CPQ: variants seen among roughly 807,000 people sequenced by gnomAD.
CPQ encodes the protein carboxypeptidase Q.
In CPQ, 37 loss-of-function variants were observed where a neutral mutation model predicts 45.7. That is an observed-to-expected ratio of 0.81 (90% CI 0.62 to 1.07). The LOEUF (loss-of-function observed/expected upper bound fraction) is 1.07. Ranked by LOEUF, CPQ falls within the 50% of genes least tolerant of loss-of-function variation. CPQ has a pLI of 0.00. For missense variants in CPQ, 537 were observed against 572.9 expected (o/e 0.94, Z 0.64); for synonymous variants, 186 against 205.8 (o/e 0.90, Z 0.82).
intron 1 of CPQ, among the ~76,000 whole-genome samples, chr8:96,777,580 A>G (rs1358692739): frequency 2.0e-5 from 3 of 151,586 alleles, no homozygotes; most frequent in Non-Finnish European, 2.9e-5. Flanking sequence ...GTTATTCCCT[A>G]AAAGTTTCAC....
At chr8:97,118,736 T>G (rs1159893721) in intron 7 of CPQ, among the ~76,000 whole-genome samples, 1 of 152,172 alleles carries the variant, frequency 6.6e-6, no homozygotes, top group East Asian at 1.9e-4. Flanking sequence ...GCTCATTGCC[T>G]GTTTTTCAAA....
At chr8:96,859,805 C>T (rs993706981) in intron 3 of CPQ, among the ~76,000 whole-genome samples, 11 of 152,086 alleles carry the variant, frequency 7.2e-5, no homozygotes, top group Admixed American at 3.3e-4. Context: ...GGCCATTTCC[C>T]TGTTGATAGA....
intron 5 of CPQ, among the ~76,000 whole-genome samples, chr8:97,007,995 G>A (rs181806010): frequency 6.6e-6 from 1 of 152,226 alleles, no homozygotes; most frequent in Admixed American, 6.5e-5. Flanking sequence ...CAGGTTCAAG[G>A]CTCAAAAATG....
rs374329831 is a variant in CPQ at position 96,775,496 on chromosome 8, A to T, written c.-34-9368A>T. Among the ~76,000 whole-genome samples the T allele has an allele frequency of 5.3e-5, 8 of 152,294 alleles. 1 individual carries two copies. The highest frequency in any genetic ancestry group is 3.9e-4 in the Admixed American group (6 of 15,290). ...ACAAGGGTATGGTAATGGTGTTTCC[A>T]GTACCACAGGCAGCATATTCATTTG... On this transcript the variant is annotated intron_variant, in intron 1 of 7. Coordinates refer to ENST00000220763, the MANE Select transcript of CPQ (RefSeq NM_016134.4).
rs1474067356 is a variant in CPQ, at chr8:97,115,930, A to C, written c.1256-27090A>C. On this transcript the variant is annotated intron_variant, in intron 7 of 7. Transcript: ENST00000220763. ...AATTCCAAGTGGAAAACAAGGAATA[A>C]GTTGCAAAAGAGTATGAAAAGTTTG... Among the ~76,000 whole-genome samples the C allele has an allele frequency of 4.6e-5, 7 of 152,242 alleles. 1 individual carries two copies. In the South Asian group the frequency reaches 1.4e-3, roughly 32 times the overall value.
At chr8:97,118,987 T>C (rs886473086) in intron 7 of CPQ, among the ~76,000 whole-genome samples, 9 of 152,254 alleles carry the variant, frequency 5.9e-5, no homozygotes, top group African/African-American at 2.2e-4. Flanking sequence ...AGAGACTGTA[T>C]GGCCCACTAA....
At chr8:96,890,543 C>T (rs1008085925) in intron 4 of CPQ, among the ~76,000 whole-genome samples, 6 of 152,084 alleles carry the variant, frequency 3.9e-5, no homozygotes, top group South Asian at 2.1e-4. Context: ...TAAGAGATGC[C>T]GTAAGGATCT....
chr8:97,007,279 A>G (rs1809400271), intron 5 of CPQ, among the ~76,000 whole-genome samples: 1 of 152,172 alleles, frequency 6.6e-6, no homozygotes, highest in Non-Finnish European at 1.5e-5. Context: ...AATTGTTTTA[A>G]CAGAAGCTGT....
At chr8:96,866,622 C>T (rs960846276) in intron 3 of CPQ, among the ~76,000 whole-genome samples, 1 of 151,934 alleles carries the variant, frequency 6.6e-6, no homozygotes, top group Non-Finnish European at 1.5e-5. Flanking sequence ...CCTTTGATTA[C>T]AGTTTTTTTG....
At chr8:96,998,595 C>T (rs1331043930) in intron 5 of CPQ, among the ~76,000 whole-genome samples, 2 of 151,702 alleles carry the variant, frequency 1.3e-5, no homozygotes, top group Non-Finnish European at 2.9e-5. Context: ...ACAAATCATG[C>T]CAAGCAAGAT....
chr8:96,767,896 G>A (rs545266487), intron 1 of CPQ, among the ~76,000 whole-genome samples: 2 of 151,882 alleles, frequency 1.3e-5, no homozygotes, highest in South Asian at 4.2e-4. Flanking sequence ...CACCCACCTC[G>A]GCCTTCCAAA....
At chr8:96,822,792 C>G (rs1009959102) in intron 2 of CPQ, among the ~76,000 whole-genome samples, 3 of 152,022 alleles carry the variant, frequency 2.0e-5, no homozygotes, top group Non-Finnish European at 2.9e-5. Context: ...CTCCATTCTT[C>G]TTGTCCATAG....
chr8:96,686,338 A>T (rs1053274817), intron 1 of CPQ, among the ~76,000 whole-genome samples: 8 of 152,040 alleles, frequency 5.3e-5, no homozygotes, highest in African/African-American at 1.9e-4. Flanking sequence ...GATGCAACAG[A>T]GATATTTTGT....
At chr8:96,718,880 C>G (rs1165990330) in intron 1 of CPQ, among the ~76,000 whole-genome samples, 1 of 152,182 alleles carries the variant, frequency 6.6e-6, no homozygotes, top group Non-Finnish European at 1.5e-5. Flanking sequence ...CATTCACAAA[C>G]CCTGAGCTAG....
At chr8:96,950,016 T>C (rs1400918197) in intron 4 of CPQ, among the ~76,000 whole-genome samples, 3 of 152,306 alleles carry the variant, frequency 2.0e-5, no homozygotes, top group East Asian at 1.9e-4. Context: ...ATTTGCTGAA[T>C]CATGTTGACC....
intron 1 of CPQ, among the ~76,000 whole-genome samples, chr8:96,695,253 C>G (rs1809360595): frequency 6.7e-6 from 1 of 148,406 alleles, no homozygotes; most frequent in South Asian, 2.2e-4. Flanking sequence ...AAAGCTGAAA[C>G]TGGATCCCTT....
intron 3 of CPQ, among the ~76,000 whole-genome samples, chr8:96,849,964 A>C (rs1811748662): frequency 6.6e-6 from 1 of 152,200 alleles, no homozygotes; most frequent in Non-Finnish European, 1.5e-5. Context: ...GAACAAGGAC[A>C]CATTATTTTT....
chr8:97,058,684 C>T (rs1370559220), intron 6 of CPQ, among the ~76,000 whole-genome samples: 1 of 152,138 alleles, frequency 6.6e-6, no homozygotes, highest in Non-Finnish European at 1.5e-5. Context: ...TATGTTGGCA[C>T]TTTCTCTTCT....
At chr8:97,084,814 G>A (rs1442470829) in intron 7 of CPQ, among the ~76,000 whole-genome samples, 2 of 149,810 alleles carry the variant, frequency 1.3e-5, no homozygotes, top group African/African-American at 5.0e-5. Context: ...TGTATACTCT[G>A]TGTGTGTGTG....
Sources: gnomAD v4.1 joint callset for allele counts (sites outside exome capture counted in the v4.1 genomes callset) on GRCh38, gnomAD v4.1.1 for gene constraint, MANE v1.5 for transcripts, NCBI Gene and HGNC (gene_info 2026-07-23, HGNC 2026-07-21) for gene names.